Variants in IP6K2 observed in about 807,000 individuals in gnomAD.
The protein encoded by IP6K2 is inositol hexakisphosphate kinase 2, also known as ATP:1D-myo-inositol-hexakisphosphate phosphotransferase.
Under a neutral mutation model 43.3 loss-of-function variants are expected in IP6K2, and 9 were observed. That is an observed-to-expected ratio of 0.21 (90% confidence interval 0.13 to 0.36). The LOEUF (loss-of-function observed/expected upper bound fraction) is 0.36, where lower values mean the gene tolerates loss of function less well. Among genes scored for constraint, IP6K2 ranks in the 10% least tolerant of loss-of-function variants. The pLI is 1.00. For synonymous variants in IP6K2, 209 were observed against 202.4 expected (o/e 1.03, Z -0.28); for missense variants, 332 against 538.4 (o/e 0.62, Z 3.79).
chr3:48,707,830 G>A (rs966713055), intron 1 of IP6K2, among the ~76,000 whole-genome samples: 3 of 152,160 alleles, frequency 2.0e-5, no homozygotes, highest in Non-Finnish European at 4.4e-5. Context: ...CAAAACAGCA[G>A]ATTGTTCCAA....
chr3:48,688,503 C>A lies in IP6K2; in HGVS notation c.1051G>T (p.Asp351Tyr), dbSNP rs763538514. ...PEVVLDSDAE[D>Y]LEDLSEESAD... ...GATTCCTCTGACAGGTCCTCCAAATCCTCAGCATCTGAGTCCAGGACCACT... is the reference window on the plus strand; with the variant it reads ...GATTCCTCTGACAGGTCCTCCAAATACTCAGCATCTGAGTCCAGGACCACT... The change falls in exon 6 of 6, where the codon GAT becomes TAT. Residue 351 changes from aspartate (D) to tyrosine (Y), a missense_variant. By Grantham distance (160) the Asp-to-Tyr change is radical (BLOSUM62 -3). Coordinates refer to ENST00000328631, the MANE Select transcript of IP6K2 (RefSeq NM_016291.4). This position sits in a 1 kb window ranked among gnomAD's most constrained non-coding sequence, Gnocchi z 5.1. The A allele has an allele frequency of 6.2e-7, 1 of 1,614,218 alleles. No homozygotes were observed. The highest frequency in any genetic ancestry group is 1.1e-5 in the South Asian group (1 of 91,084).
intron 1 of IP6K2, among the ~76,000 whole-genome samples, chr3:48,714,085 C>G (rs1482616771): frequency 6.6e-6 from 1 of 152,218 alleles, no homozygotes; most frequent in East Asian, 1.9e-4. Context: ...CCACTGCACT[C>G]CAGCCTGGGT....
intron 1 of IP6K2, among the ~76,000 whole-genome samples, chr3:48,701,761 G>C (rs1575674499): frequency 6.6e-6 from 1 of 151,922 alleles, no homozygotes; most frequent in Admixed American, 6.6e-5. Context: ...AGCTAGGCGT[G>C]GTGGCAGGCG....
intron 1 of IP6K2, among the ~76,000 whole-genome samples, chr3:48,710,795 G>A (rs1230870745): frequency 1.3e-5 from 2 of 152,112 alleles, no homozygotes; most frequent in South Asian, 2.1e-4. Flanking sequence ...ATTTTTAGTA[G>A]AGACAGGGTT....
intron 2 of IP6K2, chr3:48,694,552 A>T (rs1315171394): frequency 6.6e-7 from 1 of 1,521,658 alleles, no homozygotes; most frequent in Non-Finnish European, 8.8e-7. Context: ...AAAAAGAAAT[A>T]AAAAATTATC....
intron 1 of IP6K2, among the ~76,000 whole-genome samples, chr3:48,702,370 T>G (rs901469695): frequency 3.3e-5 from 5 of 152,174 alleles, no homozygotes; most frequent in Non-Finnish European, 5.9e-5. Context: ...TCCCTTTGCT[T>G]GATATGTTCT....
At chr3:48,689,079 C>T (rs1215146112) in intron 5 of IP6K2, among the ~76,000 whole-genome samples, 1 of 152,244 alleles carries the variant, frequency 6.6e-6, no homozygotes, top group Non-Finnish European at 1.5e-5. Context: ...GCCAACCAGA[C>T]CAATCTGAGA....
intron 2 of IP6K2, 51 bp from the exon 3 acceptor site, chr3:48,693,230 G>A (rs757576960): frequency 4.6e-5 from 67 of 1,442,882 alleles, no homozygotes; most frequent in Non-Finnish European, 6.1e-5. Context: ...AGGAAGAAGC[G>A]TTGTAAGTAA....
At chr3:48,698,148 C>T (rs1013390890) in intron 1 of IP6K2, among the ~76,000 whole-genome samples, 1 of 152,186 alleles carries the variant, frequency 6.6e-6, no homozygotes, top group African/African-American at 2.4e-5. Flanking sequence ...GAAGATGGAG[C>T]TCTGAGAAGT....
intron 1 of IP6K2, among the ~76,000 whole-genome samples, chr3:48,704,376 TA>T (rs568656826): frequency 4.0e-4 from 61 of 152,276 alleles, no homozygotes; most frequent in Admixed American, 5.9e-4. Flanking sequence ...GAAACAAAAA[TA>T]TTTTTTTCAT....
chr3:48,701,450 C>T (rs564583113), intron 1 of IP6K2, among the ~76,000 whole-genome samples: 1 of 151,304 alleles, frequency 6.6e-6, no homozygotes, highest in Admixed American at 6.6e-5. Flanking sequence ...GCCTGTAATC[C>T]CAGCTACTCG....
rs534657173 is a variant in IP6K2, at chr3:48,715,555, A to G, written c.-131+1602T>C. On this transcript the variant is annotated intron_variant, in intron 1 of 5. Transcript: ENST00000328631. ...TTGAAACACAAAAGAAATCTATTAT[A>G]TCTGTTACACTGATTTCTAGATCTC... 9 of 1,222,374 alleles carry G rather than the reference A, an allele frequency of 7.4e-6. No homozygotes were observed. The Admixed American group carries it at 1.4e-4, about 19-fold the overall frequency. The allele number at this position is 1,222,374 out of a possible 1,614,324, so 75.7% of individuals were successfully genotyped here. A position where few individuals can be genotyped will look rare whatever the true frequency, so the allele number is the denominator to read the frequency against.
intron 1 of IP6K2, among the ~76,000 whole-genome samples, chr3:48,698,343 A>G (rs558791149): frequency 6.6e-6 from 1 of 152,356 alleles, no homozygotes; most frequent in East Asian, 1.9e-4. Context: ...CTCATGGGCC[A>G]GGCTTTAGAA....
chr3:48,706,922 TG>T (rs1214423849), intron 1 of IP6K2, among the ~76,000 whole-genome samples: 1 of 152,212 alleles, frequency 6.6e-6, no homozygotes, highest in Non-Finnish European at 1.5e-5. Flanking sequence ...TAACTTTTTG[TG>T]ATTTTTTTCA....
chr3:48,697,021 C>CTTT (rs1174990891), intron 1 of IP6K2, among the ~76,000 whole-genome samples: 1 of 143,886 alleles, frequency 6.9e-6, no homozygotes, highest in Non-Finnish European at 1.5e-5. Flanking sequence ...TGAATTTTTA[C>CTTT]TTTTTTTTTT....
In IP6K2 at chr3:48,691,398, G is replaced by A. The variant is rs1194637184; in HGVS notation, c.513C>T (p.Ser171=). The change falls in exon 4 of 6, where the codon TCC becomes TCT. Residue 171 remains serine, a synonymous_variant. Coordinates refer to ENST00000328631, the MANE Select transcript of IP6K2 (RefSeq NM_016291.4). ...TCCAAGGGTTATAGTGTTTAAGCTGGGAACTTATATTCCCCTTCTTCTCTA... is the reference window on the plus strand; with the variant it reads ...TCCAAGGGTTATAGTGTTTAAGCTGAGAACTTATATTCCCCTTCTTCTCTA... ...YTVEKKGNIS[S]QLKHYNPWSM... is the part of the protein sequence containing the mutation. 1 of 1,613,286 alleles carries A rather than the reference G, an allele frequency of 6.2e-7. No individual in the cohort carries two copies. The highest frequency in any genetic ancestry group is 1.7e-5 in the Admixed American group (1 of 60,012).
chr3:48,710,995 C>A (rs1378781012), intron 1 of IP6K2, among the ~76,000 whole-genome samples: 1 of 152,098 alleles, frequency 6.6e-6, no homozygotes, highest in Admixed American at 6.6e-5. Context: ...TGCAGCCTTG[C>A]CTTCCTGGGT....
intron 1 of IP6K2, chr3:48,715,488 C>T: frequency 6.5e-7 from 1 of 1,533,408 alleles, no homozygotes; most frequent in Non-Finnish European, 8.7e-7. Context: ...CAGACAGATA[C>T]AGGGCTAGCA....
chr3:48,705,876 TA>T (rs2079683638), intron 1 of IP6K2, among the ~76,000 whole-genome samples: 1 of 133,576 alleles, frequency 7.5e-6, no homozygotes, highest in Non-Finnish European at 1.6e-5. Context: ...ATAAAAAAAA[TA>T]AAAAAATAAA....
Sources: allele counts gnomAD v4.1 joint callset (sites outside exome capture counted in the v4.1 genomes callset), GRCh38; gene constraint gnomAD v4.1.1; non-coding constraint Gnocchi (gnomAD v3.1); transcripts MANE v1.5; gene names NCBI Gene and HGNC (gene_info 2026-07-23, HGNC 2026-07-21).